Variants in GPR107 observed in about 807,000 individuals in gnomAD.
GPR107 encodes G protein-coupled receptor 107.
In GPR107, 31 loss-of-function variants were observed where a neutral mutation model predicts 75.5. That is an observed-to-expected ratio of 0.41 (90% confidence interval 0.31 to 0.55). GPR107 has a LOEUF of 0.55. Among genes scored for constraint, GPR107 ranks in the 20% least tolerant of loss-of-function variants. GPR107 has a pLI of 0.26. For synonymous variants in GPR107, 267 were observed against 251.3 expected, an observed-to-expected ratio of 1.06 and a Z score of -0.59; for missense variants, 572 against 665.7, an observed-to-expected ratio of 0.86 and a Z score of 1.55.
At chr9:130,133,065 G>A (rs1164399737) in intron 17 of GPR107, 3 of 152,078 alleles carry the variant, frequency 2.0e-5, no homozygotes, top group Admixed American at 6.6e-5. Context: ...AGCCATCACC[G>A]AACCCGGTTC....
At chr9:130,081,896 A>C (rs942523952) in intron 5 of GPR107, among the ~76,000 whole-genome samples, 14 of 151,960 alleles carry the variant, frequency 9.2e-5, no homozygotes, top group Non-Finnish European at 1.6e-4. Context: ...ACAACAACAA[A>C]AAAAGAAGAG....
chr9:130,119,150 G>T (rs528677919), intron 14 of GPR107, among the ~76,000 whole-genome samples: 1 of 152,162 alleles, frequency 6.6e-6, no homozygotes, highest in Non-Finnish European at 1.5e-5. Context: ...CCCAGGCTGC[G>T]ACCTGCTGCC....
intron 14 of GPR107, among the ~76,000 whole-genome samples, chr9:130,107,761 T>A (rs1166821302): frequency 6.6e-6 from 1 of 152,212 alleles, no homozygotes; most frequent in Non-Finnish European, 1.5e-5. Context: ...TGACTGCTGC[T>A]TATTAAGATG....
chr9:130,079,767 A>G lies in GPR107; in HGVS notation c.524A>G (p.Gln175Arg). 1 of 1,605,382 alleles carries G rather than the reference A, an allele frequency of 6.2e-7. No homozygotes were observed. The highest frequency in any genetic ancestry group is 1.7e-5 in the Admixed American group (1 of 58,372). The change falls in exon 5 of 18, where the codon CAA (glutamine) becomes CGA (arginine). Residue 175 changes from glutamine (Q) to arginine (R), a missense_variant and splice_region_variant. Transcript: ENST00000347136. ...GCAGGCAACCAGACCCAGAAGACAC[A>G]AGGTAAACCGTAAGGTGGAAACTGG... is the stretch of plus-strand genomic sequence containing the variant. ...ASAGNQTQKTQDGGKSKRSTV... is the reference protein window; with the variant it reads ...ASAGNQTQKTRDGGKSKRSTV...
intron 9 of GPR107, among the ~76,000 whole-genome samples, chr9:130,097,000 C>T (rs1447628071): frequency 5.9e-5 from 9 of 152,132 alleles, no homozygotes; most frequent in African/African-American, 2.2e-4. Context: ...TAGACACACG[C>T]CTGGACTGCC....
In GPR107 at chr9:130,135,099, G is replaced by A. The variant is rs1262540552; in HGVS notation, c.1637G>A (p.Gly546Asp). Reference protein sequence around the residue: ...KVTNGSVEPQGEWEGAV With the variant: ...KVTNGSVEPQDEWEGAV ...ACCAACGGCTCCGTGGAGCCCCAGG[G>A]CGAGTGGGAAGGCGCCGTGTGACAG... The change falls in exon 18 of 18, where the codon GGC (glycine) becomes GAC (aspartate). Residue 546 changes from glycine to aspartate, a missense_variant. By Grantham distance (94) the Gly-to-Asp change is moderately conservative. Coordinates refer to ENST00000347136, the MANE Select transcript of GPR107 (RefSeq NM_020960.5). The A allele has an allele frequency of 1.2e-6, 2 of 1,608,230 alleles. No homozygotes were observed. The highest frequency in any genetic ancestry group is 1.7e-6 in the Non-Finnish European group (2 of 1,175,964).
rs748554629 is a variant in GPR107 at position 130,099,453 on chromosome 9, A to G, written c.864-4A>G. ...CTTTAATTGTTTTCTCTCTGTTTTT[A>G]TAGGAATGATGTATTTAAAATCCAC... On this transcript the variant is annotated splice_polypyrimidine_tract_variant and splice_region_variant and intron_variant, in intron 9 of 17. Coordinates refer to ENST00000347136, the MANE Select transcript of GPR107 (RefSeq NM_020960.5). 6.5e-5 allele frequency: 100 copies of G among 1,548,856 alleles called. No individual in the cohort carries two copies. The highest frequency in any genetic ancestry group is 8.2e-5 in the Non-Finnish European group (92 of 1,121,292).
chr9:130,088,782 T>C (rs1268718196), intron 7 of GPR107, among the ~76,000 whole-genome samples: 1 of 152,242 alleles, frequency 6.6e-6, no homozygotes, highest in East Asian at 1.9e-4. Context: ...GTTTAACCAC[T>C]TTGCCTTTTA....
At chr9:130,119,743 C>T (rs988069783) in intron 14 of GPR107, among the ~76,000 whole-genome samples, 1 of 152,158 alleles carries the variant, frequency 6.6e-6, no homozygotes, top group Non-Finnish European at 1.5e-5. Context: ...CCGCCAACTG[C>T]TGTCTGATAA....
At chr9:130,098,415 A>G (rs1830933250) in intron 9 of GPR107, among the ~76,000 whole-genome samples, 1 of 152,158 alleles carries the variant, frequency 6.6e-6, no homozygotes, top group Admixed American at 6.5e-5. Flanking sequence ...GCTGGCTCCC[A>G]GTCCCCCTAC....
chr9:130,055,572 G>A (rs1460981800), intron 1 of GPR107, among the ~76,000 whole-genome samples: 3 of 150,480 alleles, frequency 2.0e-5, no homozygotes, highest in South Asian at 2.1e-4. Flanking sequence ...AGTTTGTCTT[G>A]TAAAAACACA....
At chr9:130,098,449 A>G (rs1006941921) in intron 9 of GPR107, among the ~76,000 whole-genome samples, 1 of 152,160 alleles carries the variant, frequency 6.6e-6, no homozygotes, top group Non-Finnish European at 1.5e-5. Flanking sequence ...CTTCCCCTAC[A>G]GCTATTTGTA....
At chr9:130,089,781 T>C (rs150002732) in intron 7 of GPR107, among the ~76,000 whole-genome samples, 9 of 152,362 alleles carry the variant, frequency 5.9e-5, no homozygotes, top group African/African-American at 1.4e-4. Flanking sequence ...ACATTCACCA[T>C]TGAGTTTGGC....
chr9:130,055,225 T>C (rs1342254524), intron 1 of GPR107, among the ~76,000 whole-genome samples: 3 of 151,946 alleles, frequency 2.0e-5, no homozygotes, highest in African/African-American at 7.3e-5. Flanking sequence ...CCTAGCACTT[T>C]GGGAGGCCGA....
intron 8 of GPR107, 54 bp from the exon 9 acceptor site, chr9:130,092,194 A>C: frequency 6.7e-7 from 1 of 1,495,350 alleles, no homozygotes; most frequent in Non-Finnish European, 9.3e-7. Context: ...CAAATTGCTG[A>C]ATAAGGGATG....
At chr9:130,133,512 G>A (rs1157790613) in intron 17 of GPR107, among the ~76,000 whole-genome samples, 1 of 152,146 alleles carries the variant, frequency 6.6e-6, no homozygotes, top group African/African-American at 2.4e-5. Context: ...TCGGGGCAGG[G>A]GCTTCTCTGG....
At chr9:130,114,748 T>C in intron 14 of GPR107, 3 of 982,846 alleles carry the variant, frequency 3.1e-6, no homozygotes, top group Non-Finnish European at 3.7e-6. Flanking sequence ...TTGGGGTCTT[T>C]AGGAATTTTT....
chr9:130,083,986 A>C (rs1244633665), intron 6 of GPR107, among the ~76,000 whole-genome samples: 5 of 150,118 alleles, frequency 3.3e-5, no homozygotes, highest in Non-Finnish European at 5.9e-5. Context: ...ATTTTAAAAA[A>C]TATTTTTGGT....
At position 130,086,476 on chromosome 9, in the gene GPR107, G is replaced by A; in HGVS notation, c.621G>A (p.Gln207=). The stretch of plus-strand genomic sequence containing the variant: ...ATAATGGTGGGGCAGTGTCATTTCA[G>A]GTATGTATGCTCTTTGTGTAAAGCC... ...VHNNGGAVSF[Q]FFFNISTDDQ... is the part of the protein sequence containing the mutation. The change falls in exon 7 of 18, where the codon CAG becomes CAA. Residue 207 remains glutamine (Q), a splice_region_variant and synonymous_variant. Transcript: ENST00000347136. The A allele has an allele frequency of 6.6e-7, 1 of 1,515,012 alleles. No individual in the cohort carries two copies. 93.8% of individuals were successfully genotyped at this position (1,515,012 alleles called of 1,614,324 possible).
Sources: gnomAD v4.1 joint callset for allele counts (sites outside exome capture counted in the v4.1 genomes callset) on GRCh38, gnomAD v4.1.1 for gene constraint, MANE v1.5 for transcripts, NCBI Gene and HGNC (gene_info 2026-07-23, HGNC 2026-07-21) for gene names.